Variants in LINGO2 observed in about 807,000 individuals in gnomAD.
LINGO2 encodes the protein leucine rich repeat and Ig domain containing 2.
In LINGO2, 14 loss-of-function variants were observed where a neutral mutation model predicts 30.6. The observed-to-expected ratio is 0.46, with a 90% CI of 0.30 to 0.72. The LOEUF is 0.72. LINGO2 is among the 30% of genes least tolerant of loss of function. LINGO2 has a pLI of 0.07. For synonymous variants in LINGO2, 317 were observed against 288.5 expected, an observed-to-expected ratio of 1.10 and a Z score of -1.00; for missense variants, 729 against 751.7, an observed-to-expected ratio of 0.97 and a Z score of 0.35.
chr9:28,672,202 T>C (rs537115056), upstream of LINGO2, among the ~76,000 whole-genome samples: 2 of 152,264 alleles, frequency 1.3e-5, no homozygotes, highest in Non-Finnish European at 2.9e-5. Context: ...TGCAGAATAG[T>C]AGGACACTAG....
chr9:28,259,591 G>C (rs1278962706), intron 4 of LINGO2, among the ~76,000 whole-genome samples: 1 of 151,794 alleles, frequency 6.6e-6, no homozygotes, highest in Non-Finnish European at 1.5e-5. Context: ...AAGGGACCCA[G>C]GGAGGAGAGA....
chr9:28,250,690 C>A (rs1049040929), intron 4 of LINGO2, among the ~76,000 whole-genome samples: 1 of 152,182 alleles, frequency 6.6e-6, no homozygotes, highest in Non-Finnish European at 1.5e-5. Context: ...ACCAGAGCTA[C>A]GCTATAGAAG....
At chr9:28,282,020 C>T (rs560703467) in intron 4 of LINGO2, among the ~76,000 whole-genome samples, 1 of 152,180 alleles carries the variant, frequency 6.6e-6, no homozygotes, top group African/African-American at 2.4e-5. Flanking sequence ...TCACGGAGTT[C>T]CTTAAATTAT....
chr9:28,245,257 C>A (rs1425930775), intron 4 of LINGO2, among the ~76,000 whole-genome samples: 2 of 152,102 alleles, frequency 1.3e-5, no homozygotes, highest in African/African-American at 4.8e-5. Flanking sequence ...ATTCGACATA[C>A]CTTCAGGTTA....
rs1564029268 is a variant in LINGO2, at chr9:28,189,610, AG to A, written c.-87+105597del. ...GAGGAAGGAAGGAAGGGAGGAAGGAAGGGAGGGAGGGAGGAAGGGAGGGAGG... is the reference window on the plus strand; with the variant it reads ...GAGGAAGGAAGGAAGGGAGGAAGGAAGGAGGGAGGGAGGAAGGGAGGGAGG... On this transcript the variant is annotated intron_variant, in intron 4 of 5. Transcript: ENST00000379992. Among the ~76,000 whole-genome samples, 18 of 5,978 alleles carry A rather than the reference AG, an allele frequency of 3.0e-3. 4 individuals carry two copies. The highest frequency in any genetic ancestry group is 6.4e-3 in the East Asian group (1 of 156). 3.9% of individuals were successfully genotyped at this position (5,978 alleles called of 152,430 possible).
intron 4 of LINGO2, among the ~76,000 whole-genome samples, chr9:28,054,113 T>C (rs552363721): frequency 9.2e-5 from 14 of 152,092 alleles, no homozygotes; most frequent in African/African-American, 2.7e-4. Flanking sequence ...GGGAGAAGCC[T>C]GTTATAAAAG....
intron 4 of LINGO2, among the ~76,000 whole-genome samples, chr9:28,029,220 C>G (rs1052569636): frequency 2.0e-5 from 3 of 152,076 alleles, no homozygotes; most frequent in Non-Finnish European, 4.4e-5. Context: ...GATTTTCAAA[C>G]TTTAGTGCAT....
At chr9:27,949,132 T>A (rs759537365) in exon 6 of LINGO2, 19 of 1,613,950 alleles carry the variant, frequency 1.2e-5, no homozygotes, top group Non-Finnish European at 1.6e-5. Flanking sequence ...TACATAGGGG[T>A]CCTGTTCGCA....
intron 4 of LINGO2, among the ~76,000 whole-genome samples, chr9:28,213,581 A>G (rs765267890): frequency 4.6e-5 from 7 of 151,406 alleles, no homozygotes; most frequent in Non-Finnish European, 1.0e-4. Context: ...CTTTAAAAGA[A>G]GCAGAGGACA....
chr9:28,753,092 T>C, the LINGO2 span, among the ~76,000 whole-genome samples: 796 of 151,256 alleles, frequency 5.3e-3, 14 homozygotes, highest in African/African-American at 0.019. Context: ...TTTCATTCTG[T>C]GGCTTAAAGG....
chr9:28,857,027 T>C, the LINGO2 span, among the ~76,000 whole-genome samples: 19,959 of 152,030 alleles, frequency 0.13, 1,818 homozygotes, highest in African/African-American at 0.26. Context: ...TTTTCTGTTA[T>C]TTGGAAGGGT....
chr9:28,316,987 C>G (rs1824867487), intron 3 of LINGO2, among the ~76,000 whole-genome samples: 1 of 152,152 alleles, frequency 6.6e-6, no homozygotes. Context: ...TTGGCTATTT[C>G]ACCTACATGA....
chr9:28,477,495 A>G (rs1034419019), intron 1 of LINGO2, among the ~76,000 whole-genome samples: 16 of 152,068 alleles, frequency 1.1e-4, no homozygotes, highest in African/African-American at 3.9e-4. Context: ...GAAATTCTCC[A>G]TTTTCCTCAT....
At chr9:28,809,810 T>C in the LINGO2 span, among the ~76,000 whole-genome samples, 2 of 150,762 alleles carry the variant, frequency 1.3e-5, no homozygotes, top group African/African-American at 4.9e-5. Context: ...TGTCTTGCAA[T>C]TGAGCCACTG....
chr9:28,109,867 T>C (rs1381029784), intron 4 of LINGO2, among the ~76,000 whole-genome samples: 1 of 152,164 alleles, frequency 6.6e-6, no homozygotes, highest in East Asian at 1.9e-4. Flanking sequence ...CTGTTGACTT[T>C]ATTCACAGCA....
At chr9:29,155,404 TC>T in the LINGO2 span, among the ~76,000 whole-genome samples, 1 of 152,110 alleles carries the variant, frequency 6.6e-6, no homozygotes, top group African/African-American at 2.4e-5. Flanking sequence ...AAAATTACTG[TC>T]TTTCTCCTAT....
intron 1 of LINGO2, among the ~76,000 whole-genome samples, chr9:28,645,953 A>T (rs1223393952): frequency 6.6e-6 from 1 of 152,104 alleles, no homozygotes. Flanking sequence ...GAGTTTAGTA[A>T]TTTTAACTAT....
chr9:28,906,251 A>G, the LINGO2 span, among the ~76,000 whole-genome samples: 2 of 152,080 alleles, frequency 1.3e-5, no homozygotes, highest in Admixed American at 1.3e-4. Flanking sequence ...GACTATAGTT[A>G]ATAACAATGT....
the LINGO2 span, among the ~76,000 whole-genome samples, chr9:29,072,271 T>C: frequency 2.6e-5 from 4 of 152,124 alleles, no homozygotes; most frequent in Non-Finnish European, 5.9e-5. Flanking sequence ...GATTTCTTGA[T>C]ATATGTAATA....
Sources: gnomAD v4.1 joint callset for allele counts (sites outside exome capture counted in the v4.1 genomes callset) on GRCh38, gnomAD v4.1.1 for gene constraint, MANE v1.5 for transcripts, NCBI Gene and HGNC (gene_info 2026-07-23, HGNC 2026-07-21) for gene names.